The following NFAT5 variants were observed in gnomAD, a reference collection of about 807,000 sequenced individuals.
NFAT5 encodes nuclear factor of activated T cells 5.
In NFAT5, 31 loss-of-function variants were observed where a neutral mutation model predicts 166.5. The ratio of observed to expected loss-of-function variants is 0.19; its 90% CI spans 0.14 to 0.25. The LOEUF is 0.25. Ranked by LOEUF, NFAT5 falls within the 10% of genes least tolerant of loss-of-function variation. NFAT5 has a pLI of 1.00. For missense variants in NFAT5, 1,449 were observed against 1,821.8 expected (o/e 0.80, Z 3.72); for synonymous variants, 612 against 639.7 (o/e 0.96, Z 0.65).
intron 7 of NFAT5, among the ~76,000 whole-genome samples, chr16:69,666,536 A>G (rs2036388897): frequency 1.3e-5 from 2 of 152,252 alleles, no homozygotes; most frequent in South Asian, 4.1e-4. Flanking sequence ...TTCTCAAAAG[A>G]AGACATTTAT....
At chr16:69,685,172 A>T (rs1000880020) in intron 11 of NFAT5, 101 of 115,624 alleles carry the variant, frequency 8.7e-4, no homozygotes, top group South Asian at 3.0e-3. Context: ...ATATGTTTTT[A>T]TATATATATA....
chr16:69,684,202 T>G (rs2037187881), intron 10 of NFAT5, among the ~76,000 whole-genome samples: 1 of 141,256 alleles, frequency 7.1e-6, no homozygotes, highest in Non-Finnish European at 1.5e-5. Context: ...GAGGTTGCAG[T>G]GAGCCAGGAT....
chr16:69,640,599 G>A (rs779974823), intron 3 of NFAT5, among the ~76,000 whole-genome samples: 1 of 152,136 alleles, frequency 6.6e-6, no homozygotes, highest in Non-Finnish European at 1.5e-5. Flanking sequence ...TATCAGATGA[G>A]AACTTCAGAG....
Position 69,647,030 on chromosome 16 carries a change from G to C in NFAT5, c.256G>C (p.Ala86Pro). 1 of 1,573,036 alleles carries C rather than the reference G, an allele frequency of 6.4e-7. No individual in the cohort carries two copies. Among genetic ancestry groups the C allele is most frequent in the South Asian group, 1.2e-5 (1 of 84,766 alleles). ...TACTCTTGAATTGTACACTGCAGAT[G>C]CTTCTTCAGCTCCCTCCTCTTCCTC... is the stretch of plus-strand genomic sequence containing the variant. ...SPPPAVVAAD[A>P]SSAPSSSSMG... Residue 86 changes from alanine (A) to proline (P), a missense_variant and splice_region_variant, in exon 4 of 15, where the codon GCT becomes CCT. Transcript: ENST00000349945. The surrounding 1 kb of genome is among the most constrained non-coding windows in gnomAD (Gnocchi z 4.8).
intron 12 of NFAT5, 54 bp from the exon 13 acceptor site, chr16:69,691,695 C>T (rs1652340272): frequency 7.2e-7 from 1 of 1,398,270 alleles, no homozygotes; most frequent in Admixed American, 2.2e-5. Context: ...ATGTATGTTA[C>T]AAACTTGTTT....
At position 69,694,121 on chromosome 16, in the gene NFAT5, G is replaced by A. The variant is rs111919990; in HGVS notation, c.4296G>A (p.Ser1432=). ...NMPGIQGATS[S]PQPQATLFHN... ...CTGGAATTCAAGGAGCCACATCTTCGCCTCAACCACAGGCTACTTTATTTC... is the reference window on the plus strand; with the variant it reads ...CTGGAATTCAAGGAGCCACATCTTCACCTCAACCACAGGCTACTTTATTTC... The change falls in exon 13 of 15, where the codon TCG becomes TCA. Residue 1432 remains serine (S), a synonymous_variant. Transcript: ENST00000349945. 2.2e-4 allele frequency: 350 copies of A among 1,613,932 alleles called. No homozygotes were observed. Among genetic ancestry groups the A allele is most frequent in the Non-Finnish European group, 2.5e-4 (294 of 1,180,014 alleles).
chr16:69,633,428 G>A (rs1410993914), intron 3 of NFAT5, among the ~76,000 whole-genome samples: 1 of 152,108 alleles, frequency 6.6e-6, no homozygotes, highest in African/African-American at 2.4e-5. Flanking sequence ...AGCAAAAAGT[G>A]TTTATAACTA....
chr16:69,613,445 C>T (rs1236940961), intron 2 of NFAT5, among the ~76,000 whole-genome samples: 1 of 152,282 alleles, frequency 6.6e-6, no homozygotes, highest in East Asian at 1.9e-4. Context: ...TAGCATGATA[C>T]ACAAGCCCTG....
At chr16:69,589,286 G>C (rs931258317) in intron 2 of NFAT5, among the ~76,000 whole-genome samples, 1 of 152,076 alleles carries the variant, frequency 6.6e-6, no homozygotes, top group Non-Finnish European at 1.5e-5. Context: ...GAGCCACCAC[G>C]CCCAGCCTCC....
At chr16:69,633,080 A>G (rs1255305322) in intron 3 of NFAT5, among the ~76,000 whole-genome samples, 3 of 152,210 alleles carry the variant, frequency 2.0e-5, no homozygotes, top group Admixed American at 1.3e-4. Context: ...TAATTCAGAA[A>G]CAACTGCTAA....
Position 69,677,243 on chromosome 16 carries a change from A to G in NFAT5, c.1598A>G (p.His533Arg), listed in dbSNP as rs777621372. The G allele has an allele frequency of 6.2e-7, 1 of 1,612,382 alleles. No homozygotes were observed. The highest frequency in any genetic ancestry group is 8.5e-7 in the Non-Finnish European group (1 of 1,179,450). Reference sequence around the variant, plus strand: ...AAGGTTCCTCCCTATCATGACCAACATATAACTTTGCCTGTGTCAGTGGGA... The same window carrying G: ...AAGGTTCCTCCCTATCATGACCAACGTATAACTTTGCCTGTGTCAGTGGGA... Reference protein sequence around the residue: ...IVKVPPYHDQHITLPVSVGIY... With the variant: ...IVKVPPYHDQRITLPVSVGIY... Residue 533 changes from histidine (H) to arginine (R), a missense_variant, in exon 10 of 15, where the codon CAT (histidine) becomes CGT (arginine). Physicochemically the swap from His to Arg is conservative, Grantham distance 29 (BLOSUM62 0). This residue lies in a region of NFAT5 where 245 missense variants were observed against 366.6 expected (regional missense o/e 0.67). Coordinates refer to ENST00000349945, the MANE Select transcript of NFAT5 (RefSeq NM_138713.4).
intron 2 of NFAT5, among the ~76,000 whole-genome samples, chr16:69,600,064 G>A (rs997036283): frequency 6.6e-6 from 1 of 151,910 alleles, no homozygotes; most frequent in Non-Finnish European, 1.5e-5. Context: ...GATTAGATCA[G>A]GATTGTAGTA....
chr16:69,574,299 G>T (rs1376988065), intron 2 of NFAT5, among the ~76,000 whole-genome samples: 4 of 152,108 alleles, frequency 2.6e-5, no homozygotes, highest in Admixed American at 2.6e-4. Context: ...CTTTAGAGAG[G>T]TAAAAGACAT....
intron 2 of NFAT5, among the ~76,000 whole-genome samples, chr16:69,588,343 A>G (rs2151521146): frequency 6.6e-6 from 1 of 152,306 alleles, no homozygotes; most frequent in South Asian, 2.1e-4. Context: ...AAAACCAACT[A>G]ACTCCTGAGA....
In NFAT5 at chr16:69,693,888, C is replaced by A. The variant is rs764420444; in HGVS notation, c.4063C>A (p.Gln1355Lys). 1.5e-5 allele frequency: 24 copies of A among 1,614,238 alleles called. No homozygotes were observed. The highest frequency in any genetic ancestry group is 2.0e-5 in the Non-Finnish European group (24 of 1,180,042). ...GAGTCAGTCCACAGTTTCCTCACTT[C>A]AGAACCCAGGTCCTACCCAGTCGGA... ...FQSQSTVSSL[Q>K]NPGPTQSESS... The change falls in exon 13 of 15, where the codon CAG becomes AAG. Residue 1355 changes from glutamine to lysine, a missense_variant. Physicochemically the swap from Gln to Lys is moderately conservative, Grantham distance 53 (BLOSUM62 1). This residue lies in a region of NFAT5 where 891 missense variants were observed against 993.0 expected (regional missense o/e 0.90). Coordinates refer to ENST00000349945, the MANE Select transcript of NFAT5 (RefSeq NM_138713.4).
chr16:69,659,969 C>A, intron 7 of NFAT5, 70 bp downstream of exon 7: 2 of 1,298,028 alleles, frequency 1.5e-6, no homozygotes, highest in Non-Finnish European at 2.1e-6. Flanking sequence ...TTTTAGACAT[C>A]TCTAAATTTT....
chr16:69,604,839 C>T (rs2033320629), intron 2 of NFAT5, among the ~76,000 whole-genome samples: 2 of 152,192 alleles, frequency 1.3e-5, no homozygotes, highest in Non-Finnish European at 2.9e-5. Flanking sequence ...TTCTTTCCCT[C>T]AGTATAATAT....
chr16:69,679,853 G>A (rs1287530354), intron 10 of NFAT5, among the ~76,000 whole-genome samples: 1 of 152,152 alleles, frequency 6.6e-6, no homozygotes, highest in Admixed American at 6.5e-5. Flanking sequence ...GGTGGCTCAC[G>A]CCTGTAATCC....
chr16:69,629,522 G>A (rs1366661719), intron 3 of NFAT5, among the ~76,000 whole-genome samples: 2 of 152,042 alleles, frequency 1.3e-5, no homozygotes, highest in Non-Finnish European at 2.9e-5. Flanking sequence ...CAAGGTGTCG[G>A]GGAAAGGGGC....
Sources: gnomAD v4.1 joint callset for allele counts (sites outside exome capture counted in the v4.1 genomes callset) on GRCh38, gnomAD v4.1.1 for gene constraint, gnomAD v4.1.1 regional missense constraint, Gnocchi (gnomAD v3.1) non-coding constraint, MANE v1.5 for transcripts, NCBI Gene and HGNC (gene_info 2026-07-23, HGNC 2026-07-21) for gene names.